Variants in PBK observed in about 807,000 individuals in gnomAD.
PBK encodes PDZ binding kinase, also known as lymphokine-activated killer T-cell-originated protein kinase.
PBK carries 22 observed loss-of-function variants against 33.5 expected under a neutral mutation model. That is an observed-to-expected ratio of 0.66 (90% CI 0.47 to 0.94). The LOEUF (loss-of-function observed/expected upper bound fraction) is 0.94, where lower values mean the gene tolerates loss of function less well. PBK is among the 40% of genes least tolerant of loss of function. PBK has a pLI of 0.00. For missense variants in PBK, 376 were observed against 383.4 expected (o/e 0.98, Z 0.16); for synonymous variants, 129 against 123.8 (o/e 1.04, Z -0.28).
chr8:27,823,315 A>G, intron 3 of PBK, 110 bp from the exon 4 acceptor site: 1 of 661,734 alleles, frequency 1.5e-6, no homozygotes, highest in Non-Finnish European at 2.6e-6. Flanking sequence ...GCTTTTAAAA[A>G]CAGAATTTAA....
At chr8:27,811,926 T>G (rs1370144096) in intron 6 of PBK, 1 of 152,236 alleles carries the variant, frequency 6.6e-6, no homozygotes. Flanking sequence ...AATTCCATTT[T>G]CAATTATATA....
At chr8:27,833,484 G>A (rs147520111) in intron 1 of PBK, among the ~76,000 whole-genome samples, 11,649 of 150,900 alleles carry the variant, frequency 0.077, 631 homozygotes, top group South Asian at 0.15. Context: ...ACTCCAGCCT[G>A]GGCAACAAGA....
chr8:27,816,467 C>G (rs1805817534), intron 6 of PBK, among the ~76,000 whole-genome samples: 1 of 151,414 alleles, frequency 6.6e-6, no homozygotes, highest in Non-Finnish European at 1.5e-5. Flanking sequence ...AGCTCTGCCT[C>G]CTGGGTTCAC....
At chr8:27,831,156 C>T (rs144916389) in intron 2 of PBK, among the ~76,000 whole-genome samples, 11,765 of 151,956 alleles carry the variant, frequency 0.077, 644 homozygotes, top group South Asian at 0.15. Flanking sequence ...AGTTTGAGAC[C>T]AGCCTGCCCA....
chr8:27,823,397 C>T (rs1473272815), intron 3 of PBK, among the ~76,000 whole-genome samples, 192 bp from the exon 4 acceptor site: 2 of 151,952 alleles, frequency 1.3e-5, no homozygotes, highest in African/African-American at 2.4e-5. Flanking sequence ...TATACTAAAA[C>T]AAGTCTTACT....
chr8:27,817,816 G>A (rs1242990931), intron 6 of PBK, among the ~76,000 whole-genome samples: 2 of 152,038 alleles, frequency 1.3e-5, no homozygotes, highest in African/African-American at 2.4e-5. Context: ...TTCTGAGCTT[G>A]AGCATTTAAC....
At chr8:27,835,263 T>C (rs1200415784) in intron 1 of PBK, among the ~76,000 whole-genome samples, 4 of 152,178 alleles carry the variant, frequency 2.6e-5, no homozygotes, top group African/African-American at 9.7e-5. Flanking sequence ...ACAATCACTA[T>C]TGTCTTCAGA....
intron 6 of PBK, chr8:27,812,567 CCTAT>C (rs923551611): frequency 2.6e-5 from 4 of 151,092 alleles, no homozygotes; most frequent in Non-Finnish European, 4.4e-5. Flanking sequence ...TTGCAATCGA[CCTAT>C]CTGACAAAGG....
chr8:27,823,454 G>T (rs12682238), intron 3 of PBK, among the ~76,000 whole-genome samples: 1 of 151,852 alleles, frequency 6.6e-6, no homozygotes. Context: ...GAAGGGTAAA[G>T]ATGGAATGTT....
chr8:27,821,767 A>AAATT (rs1381034494), intron 5 of PBK, among the ~76,000 whole-genome samples: 2 of 152,236 alleles, frequency 1.3e-5, no homozygotes, highest in African/African-American at 4.8e-5. Flanking sequence ...AAGCATACAT[A>AAATT]AATTGTTGAG....
At position 27,810,030 on chromosome 8, in the gene PBK, C is replaced by T; in HGVS notation, c.*275G>A. 1 of 368,516 alleles carries T rather than the reference C, an allele frequency of 2.7e-6. No homozygotes were observed. The highest frequency in any genetic ancestry group is 5.8e-5 in the East Asian group (1 of 17,220). 22.8% of individuals were successfully genotyped at this position (368,516 alleles called of 1,614,324 possible). ...TCATTCAATTTAATGTTACAGTTTA[C>T]AGCGTTTTACTGCTAGTGTTTTAAG... On this transcript the variant is annotated 3_prime_UTR_variant, in exon 8 of 8. Transcript: ENST00000301905.
chr8:27,813,928 T>C (rs73570360), intron 6 of PBK, among the ~76,000 whole-genome samples: 2,463 of 152,082 alleles, frequency 0.016, 60 homozygotes, highest in African/African-American at 0.054. Flanking sequence ...ATCAGTTTAT[T>C]TTTCTGTGTA....
At chr8:27,833,202 A>G (rs1237513476) in intron 1 of PBK, 69 bp from the exon 2 acceptor site, 13 of 834,366 alleles carry the variant, frequency 1.6e-5, no homozygotes, top group Non-Finnish European at 2.1e-5. Flanking sequence ...ATGAAGAAAA[A>G]TGCCAATAGC....
rs369930551 is a variant in PBK, at chr8:27,813,675, T to G, written c.596-2541A>C. ...AGATCTACTCTCAGCAAATCTCAAGTGTACAGTATTAACAAAGGGCACGAA... is the reference window on the plus strand; with the variant it reads ...AGATCTACTCTCAGCAAATCTCAAGGGTACAGTATTAACAAAGGGCACGAA... On this transcript the variant is annotated intron_variant, in intron 6 of 7. Coordinates refer to ENST00000301905, the MANE Select transcript of PBK (RefSeq NM_018492.4). Among the ~76,000 whole-genome samples, 392 of 146,326 alleles carry G rather than the reference T, an allele frequency of 2.7e-3. 2 individuals are homozygous for G. The highest frequency in any genetic ancestry group is 9.8e-3 in the African/African-American group (376 of 38,288).
chr8:27,828,602 G>A (rs1365665136), intron 2 of PBK, among the ~76,000 whole-genome samples: 2 of 151,506 alleles, frequency 1.3e-5, no homozygotes, highest in South Asian at 2.1e-4. Flanking sequence ...CTCTACACAC[G>A]AAAAAATTTT....
chr8:27,834,172 C>T (rs1230109463), intron 1 of PBK, among the ~76,000 whole-genome samples: 4 of 152,000 alleles, frequency 2.6e-5, no homozygotes, highest in South Asian at 2.1e-4. Flanking sequence ...GGACTACCAG[C>T]GCCCACCACC....
chr8:27,835,634 C>A (rs550478380), intron 1 of PBK, among the ~76,000 whole-genome samples: 1 of 152,034 alleles, frequency 6.6e-6, no homozygotes, highest in Non-Finnish European at 1.5e-5. Context: ...TCACTGCAAC[C>A]TCTGCCTCCC....
At chr8:27,821,444 T>G (rs1017795870) in intron 5 of PBK, among the ~76,000 whole-genome samples, 11 of 151,822 alleles carry the variant, frequency 7.2e-5, no homozygotes, top group Admixed American at 6.6e-4. Context: ...GTATTTTTAG[T>G]AGAGATGGGG....
At position 27,810,379 on chromosome 8, in the gene PBK, C is replaced by G. The variant is rs940421569; in HGVS notation, c.895G>C (p.Val299Leu). ...TCTTTAGGGTCTTCATTAGTGCATA[C>G]AGAGAAGAGTTCAATTACTTTCTGG... ...SYQKVIELFS[V>L]CTNEDPKDRP... Residue 299 changes from valine (V) to leucine (L), a missense_variant, in exon 8 of 8, where the codon GTA (valine) becomes CTA (leucine). Transcript: ENST00000301905. The G allele has an allele frequency of 7.0e-5, 112 of 1,611,186 alleles. No individual in the cohort carries two copies. Among genetic ancestry groups the G allele is most frequent in the Non-Finnish European group, 9.3e-5 (110 of 1,177,506 alleles).
Sources: gnomAD v4.1 joint callset for allele counts (sites outside exome capture counted in the v4.1 genomes callset) on GRCh38, gnomAD v4.1.1 for gene constraint, MANE v1.5 for transcripts, NCBI Gene and HGNC (gene_info 2026-07-23, HGNC 2026-07-21) for gene names.